Variants in SMCO2 observed in about 807,000 individuals in gnomAD.
SMCO2 encodes single-pass membrane protein with coiled-coil domains 2, also known as single-pass membrane and coiled-coil domain-containing protein 2.
Under a neutral mutation model 29.5 loss-of-function variants are expected in SMCO2, and 25 were observed. The observed-to-expected ratio is 0.85, with a 90% CI of 0.62 to 1.18. The LOEUF is 1.18. Among genes scored for constraint, SMCO2 ranks in the 50% most tolerant of loss-of-function variants. The pLI is 0.00. For synonymous variants in SMCO2, 117 were observed against 123.3 expected (o/e 0.95, Z 0.34); for missense variants, 348 against 344.5 (o/e 1.01, Z -0.08).
chr12:27,478,742 G>A (rs765673168), intron 4 of SMCO2, among the ~76,000 whole-genome samples: 1 of 152,086 alleles, frequency 6.6e-6, no homozygotes, highest in African/African-American at 2.4e-5. Flanking sequence ...AGTGAGCAGG[G>A]CCCATCCTCA....
At chr12:27,463,070 G>A (rs1354407427), upstream of SMCO2, among the ~76,000 whole-genome samples, 1 of 152,156 alleles carries the variant, frequency 6.6e-6, no homozygotes, top group South Asian at 2.1e-4. Flanking sequence ...GGCCTGGGAC[G>A]AAGTCTGTTT....
At chr12:27,447,984 T>C in the SMCO2 span, among the ~76,000 whole-genome samples, 1 of 152,206 alleles carries the variant, frequency 6.6e-6, no homozygotes, top group East Asian at 1.9e-4. Flanking sequence ...CCAAGTGGCC[T>C]GCAAGCTCCG....
the SMCO2 span, among the ~76,000 whole-genome samples, chr12:27,448,346 C>T: frequency 3.9e-5 from 6 of 152,170 alleles, no homozygotes; most frequent in Non-Finnish European, 8.8e-5. Context: ...GAAGAGTGCC[C>T]TCCGCCTTAG....
chr12:27,436,456 A>G, the SMCO2 span, among the ~76,000 whole-genome samples: 27 of 152,142 alleles, frequency 1.8e-4, no homozygotes, highest in African/African-American at 6.3e-4. Flanking sequence ...GCCAGGAACA[A>G]TCCTTCCTCC....
chr12:27,475,179 C>T (rs1005187526), intron 4 of SMCO2, among the ~76,000 whole-genome samples: 1 of 152,102 alleles, frequency 6.6e-6, no homozygotes, highest in East Asian at 1.9e-4. Context: ...TAAGCCTTCT[C>T]AGATAATTTT....
chr12:27,444,331 A>G, the SMCO2 span, among the ~76,000 whole-genome samples: 1 of 152,198 alleles, frequency 6.6e-6, no homozygotes, highest in Admixed American at 6.5e-5. Flanking sequence ...CTCTCAACAT[A>G]TACAAAAATC....
At chr12:27,435,294 C>CCG in the SMCO2 span, among the ~76,000 whole-genome samples, 1 of 22,628 alleles carries the variant, frequency 4.4e-5, no homozygotes, top group Non-Finnish European at 3.7e-4. Context: ...CCCCCCCCCC[C>CCG]CCCCCCCCGG....
intron 6 of SMCO2, among the ~76,000 whole-genome samples, chr12:27,494,916 C>T (rs778877868): frequency 4.6e-5 from 7 of 152,016 alleles, no homozygotes; most frequent in Non-Finnish European, 1.0e-4. Context: ...TCTCATCCTG[C>T]CTTCTAGTGC....
intron 7 of SMCO2, among the ~76,000 whole-genome samples, chr12:27,501,078 A>G (rs562244833): frequency 6.6e-6 from 1 of 150,736 alleles, no homozygotes; most frequent in East Asian, 1.9e-4. Context: ...TCAATAAAAT[A>G]TGTCATAGGT....
the SMCO2 span, among the ~76,000 whole-genome samples, chr12:27,426,700 C>G: frequency 6.6e-6 from 1 of 152,070 alleles, no homozygotes; most frequent in East Asian, 1.9e-4. Context: ...GACTATATAG[C>G]AAACAAATAT....
chr12:27,467,903 G>A (rs1480249535), intron 1 of SMCO2, among the ~76,000 whole-genome samples: 4 of 152,164 alleles, frequency 2.6e-5, no homozygotes, highest in Non-Finnish European at 5.9e-5. Flanking sequence ...TGAAAGTGCT[G>A]CACATGTGTA....
upstream of SMCO2, among the ~76,000 whole-genome samples, chr12:27,465,748 A>G (rs772670698): frequency 3.3e-5 from 5 of 152,170 alleles, no homozygotes; most frequent in African/African-American, 7.2e-5. Flanking sequence ...TAGTAAACCA[A>G]TTTTTCAGAC....
At chr12:27,463,372 C>T (rs940126963), upstream of SMCO2, among the ~76,000 whole-genome samples, 2 of 152,190 alleles carry the variant, frequency 1.3e-5, no homozygotes, top group Non-Finnish European at 2.9e-5. Context: ...TCAAGCAATT[C>T]TCCTGCCTCA....
chr12:27,452,331 C>T, the SMCO2 span, among the ~76,000 whole-genome samples: 3,255 of 152,246 alleles, frequency 0.021, 54 homozygotes, highest in Middle Eastern at 0.037. Flanking sequence ...AATTTCTCAT[C>T]GTCCACTCCC....
At chr12:27,424,513 GTTTA>G in the SMCO2 span, 3 of 152,202 alleles carry the variant, frequency 2.0e-5, no homozygotes, top group Non-Finnish European at 4.4e-5. Flanking sequence ...AAAAGAAAGT[GTTTA>G]TTTACAGTGT....
the SMCO2 span, among the ~76,000 whole-genome samples, chr12:27,454,378 T>C: frequency 6.6e-6 from 1 of 152,166 alleles, no homozygotes; most frequent in Non-Finnish European, 1.5e-5. Context: ...GGCAATATAT[T>C]CCAATCATAT....
At chr12:27,467,298 C>T (rs907042875) in intron 1 of SMCO2, among the ~76,000 whole-genome samples, 2 of 152,058 alleles carry the variant, frequency 1.3e-5, no homozygotes, top group East Asian at 3.8e-4. Flanking sequence ...TTGTACCAAA[C>T]AATCCTAGAA....
intron 4 of SMCO2, among the ~76,000 whole-genome samples, chr12:27,477,129 T>C (rs1161715065): frequency 1.3e-5 from 2 of 152,114 alleles, no homozygotes; most frequent in Non-Finnish European, 2.9e-5. Context: ...TATCTCACTT[T>C]TTCCTGGTCT....
chr12:27,474,995 G>A (rs1949572755), intron 4 of SMCO2, 82 bp downstream of exon 4: 13 of 1,470,622 alleles, frequency 8.8e-6, no homozygotes, highest in Non-Finnish European at 1.2e-5. Flanking sequence ...CTTAGGGAAA[G>A]TCTGGAAGAT....
Sources: gnomAD v4.1 joint callset for allele counts (sites outside exome capture counted in the v4.1 genomes callset) on GRCh38, gnomAD v4.1.1 for gene constraint, MANE v1.5 for transcripts, NCBI Gene and HGNC (gene_info 2026-07-23, HGNC 2026-07-21) for gene names.